The following RAP1GAP2 variants were observed in gnomAD, a reference collection of about 807,000 sequenced individuals.
RAP1GAP2 encodes the protein rap1 GTPase-activating protein 2.
A neutral mutation model predicts 95.0 loss-of-function variants in RAP1GAP2; 27 were observed. The observed-to-expected ratio is 0.28, with a 90% CI of 0.21 to 0.39. The LOEUF (loss-of-function observed/expected upper bound fraction) is 0.39, where lower values mean the gene tolerates loss of function less well. Ranked by LOEUF, RAP1GAP2 falls within the 10% of genes least tolerant of loss-of-function variation. The probability of loss-of-function intolerance (pLI) is 1.00; values close to 1 mark genes in which losing one functional copy is unlikely to be tolerated. For synonymous variants in RAP1GAP2, 373 were observed against 380.9 expected (o/e 0.98, Z 0.24); for missense variants, 771 against 970.0 (o/e 0.79, Z 2.72).
intron 11 of RAP1GAP2, among the ~76,000 whole-genome samples, chr17:2,987,998 G>C (rs1015892777): frequency 2.0e-5 from 3 of 152,210 alleles, no homozygotes; most frequent in Non-Finnish European, 4.4e-5. Context: ...TGATCAGGCA[G>C]TGTTTGAAGG....
At chr17:3,012,537 A>C (rs2046586273) in intron 17 of RAP1GAP2, among the ~76,000 whole-genome samples, 2 of 143,020 alleles carry the variant, frequency 1.4e-5, no homozygotes, top group African/African-American at 5.2e-5. Context: ...AGAATTGCTC[A>C]AACCTGGGAG....
At position 2,796,626 on chromosome 17, in the gene RAP1GAP2, T is replaced by A; in HGVS notation, c.44+55T>A. On this transcript the variant is annotated intron_variant, in intron 1 of 24. Coordinates refer to ENST00000254695, the MANE Select transcript of RAP1GAP2 (RefSeq NM_015085.5). The surrounding 1 kb of genome is among the most constrained non-coding windows in gnomAD (Gnocchi z 4.7). The stretch of plus-strand genomic sequence containing the variant: ...GATGGGAGAGAACTTAGAAGTGAAG[T>A]CTTGTTAAGTGCATTGGCGGCCGTG... The A allele has an allele frequency of 6.5e-7, 1 of 1,542,456 alleles. No homozygotes were observed. The highest frequency in any genetic ancestry group is 8.8e-7 in the Non-Finnish European group (1 of 1,138,616).
chr17:2,980,515 G>A (rs974697673), intron 9 of RAP1GAP2, 150 bp downstream of exon 9: 21 of 751,374 alleles, frequency 2.8e-5, no homozygotes, highest in Non-Finnish European at 3.6e-5. Flanking sequence ...ACTGATAGGG[G>A]TCTGGGAGGG....
In RAP1GAP2 at chr17:2,991,215, G is replaced by C. The variant is rs2045740114; in HGVS notation, c.814-82G>C. On this transcript the variant is annotated intron_variant, in intron 11 of 24. Transcript: ENST00000254695. ...CAGGGAGAAAGGAAGAAAGGGACCA[G>C]GTACCTGGGCATCCATATTCCTTCC... 7.1e-6 allele frequency: 8 copies of C among 1,133,116 alleles called. No homozygotes were observed. The South Asian group carries it at 9.4e-5, about 13-fold the overall frequency. The allele number at this position is 1,133,116 out of a possible 1,614,324, so 70.2% of individuals were successfully genotyped here.
intron 2 of RAP1GAP2, among the ~76,000 whole-genome samples, chr17:2,839,886 C>T (rs2071296541): frequency 6.6e-6 from 1 of 152,090 alleles, no homozygotes; most frequent in Non-Finnish European, 1.5e-5. Context: ...GCAACCTCCG[C>T]CTCCTGGGTT....
intron 3 of RAP1GAP2, among the ~76,000 whole-genome samples, chr17:2,935,081 G>A (rs1001186074): frequency 1.3e-5 from 2 of 152,142 alleles, no homozygotes; most frequent in African/African-American, 4.8e-5. Flanking sequence ...TCAAAACTTG[G>A]CCCCTGGAGG....
intron 2 of RAP1GAP2, among the ~76,000 whole-genome samples, chr17:2,850,096 G>A (rs4992783): frequency 0.3 from 44,173 of 149,602 alleles, 6,627 homozygotes; most frequent in South Asian, 0.35. Context: ...TGCCTCCCGG[G>A]TTCATGCCAT....
intron 17 of RAP1GAP2, among the ~76,000 whole-genome samples, chr17:3,012,426 T>G (rs1366707849): frequency 6.6e-6 from 1 of 151,886 alleles, no homozygotes; most frequent in Non-Finnish European, 1.5e-5. Context: ...GAGACCAGCC[T>G]GGCCAACGTG....
intron 2 of RAP1GAP2, among the ~76,000 whole-genome samples, chr17:2,832,204 C>CAAAAA: frequency 1.0e-5 from 1 of 97,030 alleles, no homozygotes; most frequent in Non-Finnish European, 1.9e-5. Flanking sequence ...ACTCTGTCTC[C>CAAAAA]AAAAAAAAAA....
rs960726953 is a variant in RAP1GAP2, at chr17:2,902,354, T to C, written c.81-2930T>C. On this transcript the variant is annotated intron_variant, in intron 2 of 24. Transcript: ENST00000254695. This position sits in a 1 kb window ranked among gnomAD's most constrained non-coding sequence, Gnocchi z 4.1. ...GCCTCAGCCTCCCAAGTAGCTCGGATGACAGGCACACGCCACCATGCCTGG... is the reference window on the plus strand; with the variant it reads ...GCCTCAGCCTCCCAAGTAGCTCGGACGACAGGCACACGCCACCATGCCTGG... Among the ~76,000 whole-genome samples the C allele has an allele frequency of 2.6e-5, 4 of 152,154 alleles. No homozygotes were observed. The highest frequency in any genetic ancestry group is 1.9e-4 in the East Asian group (1 of 5,192).
chr17:2,792,637 C>G (rs114747449), upstream of RAP1GAP2, among the ~76,000 whole-genome samples: 2 of 152,220 alleles, frequency 1.3e-5, no homozygotes, highest in Non-Finnish European at 2.9e-5. Flanking sequence ...TGGATCCCAG[C>G]GGCATCGAAG....
intron 2 of RAP1GAP2, among the ~76,000 whole-genome samples, chr17:2,900,105 T>G (rs1042103423): frequency 7.2e-5 from 11 of 152,118 alleles, no homozygotes; most frequent in Non-Finnish European, 1.2e-4. Context: ...GGGGAGGGGA[T>G]GCAGGAAAGG....
At chr17:2,897,046 G>C (rs376065889) in intron 2 of RAP1GAP2, among the ~76,000 whole-genome samples, 3 of 152,198 alleles carry the variant, frequency 2.0e-5, no homozygotes, top group East Asian at 1.9e-4. Flanking sequence ...CTTTATAAAC[G>C]GGTGTCCAGG....
chr17:3,001,355 CCA>C, intron 14 of RAP1GAP2, among the ~76,000 whole-genome samples: 1 of 111,100 alleles, frequency 9.0e-6, no homozygotes, highest in Admixed American at 8.8e-5. Flanking sequence ...GAGTGCAGGT[CCA>C]AGCACCAGGC....
intron 2 of RAP1GAP2, among the ~76,000 whole-genome samples, chr17:2,805,429 C>T (rs1019527280): frequency 1.3e-5 from 2 of 152,138 alleles, no homozygotes; most frequent in Admixed American, 6.5e-5. Flanking sequence ...AATCTCGGCT[C>T]ACTGCAACCT....
At position 3,033,735 on chromosome 17, in the gene RAP1GAP2, C is replaced by T. The variant is rs1441248991; in HGVS notation, c.*374C>T. The T allele has an allele frequency of 6.6e-6, 1 of 152,424 alleles. No homozygotes were observed. The highest frequency in any genetic ancestry group is 2.4e-5 in the African/African-American group (1 of 41,430). The allele number at this position is 152,424 out of a possible 1,614,324, so 9.4% of individuals were successfully genotyped here. On this transcript the variant is annotated 3_prime_UTR_variant, in exon 25 of 25. Transcript: ENST00000254695. This position sits in a 1 kb window ranked among gnomAD's most constrained non-coding sequence, Gnocchi z 4.9. Reference sequence around the variant, plus strand: ...AGCAGTGACTGGGGAGCTGGTCTGCCTCAGAGACAGAGTAGGGGGTGGGAG... The same window carrying T: ...AGCAGTGACTGGGGAGCTGGTCTGCTTCAGAGACAGAGTAGGGGGTGGGAG...
intron 1 of RAP1GAP2, among the ~76,000 whole-genome samples, chr17:2,767,359 T>TTA (rs2068295529): frequency 1.9e-5 from 1 of 53,710 alleles, no homozygotes. Flanking sequence ...GAGACTCTGT[T>TTA]AAAAAAAAAA....
At chr17:2,849,325 C>T (rs1224928041) in intron 2 of RAP1GAP2, among the ~76,000 whole-genome samples, 1 of 152,166 alleles carries the variant, frequency 6.6e-6, no homozygotes, top group Non-Finnish European at 1.5e-5. Context: ...TCATTCTGCC[C>T]AGCAGTGGGG....
rs142746077 is a variant in RAP1GAP2 at position 2,875,038 on chromosome 17, C to T, written c.81-30246C>T. 1.3e-3 allele frequency among the ~76,000 whole-genome samples: 201 copies of T among 152,192 alleles called. 1 individual carries two copies. Among genetic ancestry groups the T allele is most frequent in the Non-Finnish European group, 2.1e-3 (141 of 67,996 alleles). On this transcript the variant is annotated intron_variant, in intron 2 of 24. Transcript: ENST00000254695. ...TTCAAAATTACCTTGGGGACGGCGC[C>T]CTTCGACATTTGTTAAAAGCAAGTT...
Sources: allele counts gnomAD v4.1 joint callset (sites outside exome capture counted in the v4.1 genomes callset), GRCh38; gene constraint gnomAD v4.1.1; non-coding constraint Gnocchi (gnomAD v3.1); transcripts MANE v1.5; gene names NCBI Gene and HGNC (gene_info 2026-07-23, HGNC 2026-07-21).